The following TRPM3 variants were observed in gnomAD, a reference collection of about 807,000 sequenced individuals.
TRPM3 encodes long transient receptor potential channel 3.
Under a neutral mutation model 181.2 loss-of-function variants are expected in TRPM3, and 77 were observed. The observed-to-expected ratio is 0.42, with a 90% CI of 0.35 to 0.51. The LOEUF (loss-of-function observed/expected upper bound fraction) is 0.51. TRPM3 is among the 20% of genes least tolerant of loss of function. The pLI is 0.01. For synonymous variants in TRPM3, 745 were observed against 796.4 expected (o/e 0.94, Z 1.09); for missense variants, 1,759 against 2,196.7 (o/e 0.80, Z 3.98).
rs1033388776 is a variant in TRPM3, at chr9:71,146,977, T to C, written c.184-282466A>G. ...ATGTGTTTGTGGCTATTGGATGTCA[T>C]CTTCTTGCCTCAAAAAGAAACCCGT... On this transcript the variant is annotated intron_variant, in intron 1 of 24. Coordinates refer to the TRPM3 transcript ENST00000357533. Among the ~76,000 whole-genome samples the C allele has an allele frequency of 4.6e-5, 7 of 152,146 alleles. No individual in the cohort carries two copies. In the South Asian group the frequency reaches 1.2e-3, roughly 27 times the overall value.
intron 6 of TRPM3, among the ~76,000 whole-genome samples, chr9:70,797,415 A>G (rs796316691): frequency 7.9e-5 from 12 of 152,290 alleles, no homozygotes; most frequent in African/African-American, 2.6e-4. Flanking sequence ...GTCTTTCTGT[A>G]AAAATGTAGT....
At chr9:70,739,474 T>C (rs2073508540) in intron 8 of TRPM3, among the ~76,000 whole-genome samples, 1 of 152,252 alleles carries the variant, frequency 6.6e-6, no homozygotes, top group East Asian at 1.9e-4. Flanking sequence ...ACAAGGAACA[T>C]ACCTCAGTGT....
intron 1 of TRPM3, among the ~76,000 whole-genome samples, chr9:71,202,475 G>A (rs1377956917): frequency 6.6e-6 from 1 of 152,154 alleles, no homozygotes. Flanking sequence ...ATGTTTAACA[G>A]GACTTTGTTA....
At chr9:70,778,464 GA>G (rs745605441) in intron 7 of TRPM3, among the ~76,000 whole-genome samples, 1 of 152,054 alleles carries the variant, frequency 6.6e-6, no homozygotes, top group Non-Finnish European at 1.5e-5. Context: ...TGTTAACTTG[GA>G]AAACAGTTTA....
chr9:71,275,866 G>C (rs1338132710), intron 1 of TRPM3, among the ~76,000 whole-genome samples: 1 of 150,504 alleles, frequency 6.6e-6, no homozygotes, highest in African/African-American at 2.4e-5. Context: ...TTTTGAGACA[G>C]AGTCTTGCTC....
intron 8 of TRPM3, among the ~76,000 whole-genome samples, chr9:70,685,974 T>C (rs1357901420): frequency 6.6e-6 from 1 of 151,536 alleles, no homozygotes; most frequent in Non-Finnish European, 1.5e-5. Flanking sequence ...GATTTATATA[T>C]ATCCTATAAA....
chr9:70,838,960 G>A (rs79099798), intron 5 of TRPM3, among the ~76,000 whole-genome samples: 2,607 of 152,168 alleles, frequency 0.017, 83 homozygotes, highest in African/African-American at 0.059. Context: ...TTTAGAGAAA[G>A]GCCTGTTTCC....
chr9:70,623,365 C>CAAA (rs34432876), intron 14 of TRPM3, among the ~76,000 whole-genome samples: 1 of 112,828 alleles, frequency 8.9e-6, no homozygotes, highest in Non-Finnish European at 1.9e-5. Context: ...GACTGCGTCT[C>CAAA]AAAAAAAAAA....
At chr9:71,057,453 T>C (rs1376583104) in intron 1 of TRPM3, among the ~76,000 whole-genome samples, 1 of 152,082 alleles carries the variant, frequency 6.6e-6, no homozygotes, top group Non-Finnish European at 1.5e-5. Flanking sequence ...TTTCTGTTTT[T>C]ATTCCTTGAC....
intron 22 of TRPM3, among the ~76,000 whole-genome samples, chr9:70,584,173 T>C (rs911620047): frequency 6.6e-6 from 1 of 152,104 alleles, no homozygotes; most frequent in Non-Finnish European, 1.5e-5. Flanking sequence ...CCGAAATGCA[T>C]GAGCCACTGT....
chr9:71,289,875 CAAAAAAAAA>C lies in TRPM3; in HGVS notation c.183+156769_183+156777del, dbSNP rs71352367. On this transcript the variant is annotated intron_variant, in intron 1 of 24. Coordinates refer to the TRPM3 transcript ENST00000357533. ...TGGGTGACAGAGCAAGACTCTGTCT[CAAAAAAAAA>C]AAAAAAAAAAAAAAAAAGCTAGATA... Among the ~76,000 whole-genome samples the C allele has an allele frequency of 6.5e-4, 26 of 39,794 alleles. 1 individual carries two copies. The East Asian group carries it at 0.012, about 19-fold the overall frequency. The allele number at this position is 39,794 out of a possible 152,430, so 26.1% of individuals were successfully genotyped here.
chr9:71,107,568 T>G (rs761432712), intron 1 of TRPM3, among the ~76,000 whole-genome samples: 4 of 152,186 alleles, frequency 2.6e-5, no homozygotes, highest in Non-Finnish European at 4.4e-5. Context: ...CTAGCAGAGT[T>G]TCTGACACTT....
chr9:71,108,235 T>C (rs557883443), intron 1 of TRPM3, among the ~76,000 whole-genome samples: 2 of 152,336 alleles, frequency 1.3e-5, no homozygotes, highest in Middle Eastern at 3.4e-3. Context: ...GCAAAAGGTA[T>C]AGAAAAATTG....
intron 1 of TRPM3, among the ~76,000 whole-genome samples, chr9:71,035,673 T>C (rs1196247838): frequency 1.3e-5 from 2 of 152,112 alleles, no homozygotes; most frequent in Non-Finnish European, 2.9e-5. Context: ...GCCGATATTG[T>C]GCCAATGCAC....
At position 70,615,953 on chromosome 9, in the gene TRPM3, T is replaced by C. The variant is rs1405038334; in HGVS notation, c.2481A>G (p.Pro827=). ...IHLQEKEAEE[P]EKPTKEKEEE... is the part of the protein sequence containing the mutation. ...CCTCTTTTTCCTTTGTGGGCTTCTC[T>C]GGTTCTTCTGCCTCCTTCTCTTGGA... The change falls in exon 18 of 26, where the codon CCA becomes CCG. Residue 827 remains proline, a synonymous_variant. Transcript: ENST00000677713. 2 of 1,613,046 alleles carry C rather than the reference T, an allele frequency of 1.2e-6. No homozygotes were observed. The highest frequency in any genetic ancestry group is 2.2e-5 in the East Asian group (1 of 44,850).
intron 1 of TRPM3, among the ~76,000 whole-genome samples, chr9:71,199,710 G>A (rs903941111): frequency 1.2e-4 from 18 of 149,296 alleles, no homozygotes; most frequent in East Asian, 4.0e-4. Flanking sequence ...CTGTGGGATC[G>A]GTGGTGATAT....
chr9:70,755,548 T>G (rs1057294218), intron 8 of TRPM3, among the ~76,000 whole-genome samples: 10 of 152,016 alleles, frequency 6.6e-5, no homozygotes, highest in Non-Finnish European at 1.3e-4. Flanking sequence ...TTTTGTATTT[T>G]TAGTAGAGAC....
chr9:70,938,592 C>A (rs1344940440), intron 1 of TRPM3, among the ~76,000 whole-genome samples: 1 of 152,008 alleles, frequency 6.6e-6, no homozygotes, highest in Non-Finnish European at 1.5e-5. Flanking sequence ...GAAACATTAC[C>A]AATTATTAGT....
chr9:71,301,354 A>G (rs1268067726), intron 1 of TRPM3, among the ~76,000 whole-genome samples: 1 of 152,132 alleles, frequency 6.6e-6, no homozygotes, highest in Admixed American at 6.5e-5. Flanking sequence ...AATAATTCCC[A>G]GGAGGGAAAA....
Sources: gnomAD v4.1 joint callset for allele counts (sites outside exome capture counted in the v4.1 genomes callset) on GRCh38, gnomAD v4.1.1 for gene constraint, MANE v1.5 for transcripts, NCBI Gene and HGNC (gene_info 2026-07-23, HGNC 2026-07-21) for gene names.